ZNF426: variants seen among roughly 807,000 people sequenced by gnomAD.
The protein encoded by ZNF426 is zinc finger protein 426, also known as CTC-543D15.7.
ZNF426 carries 23 observed loss-of-function variants against 24.0 expected under a neutral mutation model. The ratio of observed to expected loss-of-function variants is 0.96; its 90% CI spans 0.69 to 1.36. The LOEUF is 1.36. ZNF426 is among the 40% of genes most tolerant of loss of function. The probability of loss-of-function intolerance (pLI) is 0.00; values close to 1 mark genes in which losing one functional copy is unlikely to be tolerated. For missense variants in ZNF426, 646 were observed against 658.4 expected, an observed-to-expected ratio of 0.98 and a Z score of 0.21; for synonymous variants, 272 against 224.6, an observed-to-expected ratio of 1.21 and a Z score of -1.89.
intron 6 of ZNF426, among the ~76,000 whole-genome samples, chr19:9,532,443 C>T (rs114560855): frequency 0.013 from 1,947 of 151,640 alleles, 45 homozygotes; most frequent in African/African-American, 0.044. Context: ...ACAGCAGGTG[C>T]GTCCCACCAC....
intron 6 of ZNF426, among the ~76,000 whole-genome samples, chr19:9,532,244 T>A (rs530044838): frequency 6.6e-6 from 1 of 151,858 alleles, no homozygotes; most frequent in East Asian, 1.9e-4. Context: ...TTAAAACTTA[T>A]GTTTTGTTTA....
rs567326897 is a variant in ZNF426, at chr19:9,528,917, G to C, written c.1128C>G (p.Ser376=). Residue 376 remains serine, a synonymous_variant, in exon 8 of 8, where the codon TCC becomes TCG. Transcript: ENST00000253115. ...TTCTTATATGTTGAATAAGGCGTGA[G>C]GATGTAAGGAAGGATTTCCCACATT... ...CKECGKSFLT[S]SRLIQHIRTH... The C allele has an allele frequency of 1.8e-4, 298 of 1,613,964 alleles. No homozygotes were observed. Among genetic ancestry groups the C allele is most frequent in the Admixed American group, 5.3e-4 (32 of 59,986 alleles).
rs774259388 is a variant in ZNF426, at chr19:9,535,212, AG to A, written c.92del (p.Ala31ValfsTer4). 7 of 1,613,496 alleles carry A rather than the reference AG, an allele frequency of 4.3e-6. No individual in the cohort carries two copies. The highest frequency in any genetic ancestry group is 5.9e-6 in the Non-Finnish European group (7 of 1,179,702). The part of the protein sequence containing the change: ...EEKTPAGRIV[A>X]DCLTDCYQDS... Reference sequence around the variant, plus strand: ...CCTGATAACAATCTGTTAGGCAGTCAGCCACTATTCTTCCTGCTGGTGTCTT... The same window carrying A: ...CCTGATAACAATCTGTTAGGCAGTCACCACTATTCTTCCTGCTGGTGTCTT... On this transcript the variant is annotated frameshift_variant, in exon 4 of 8. Coordinates refer to ENST00000253115, the MANE Select transcript of ZNF426 (RefSeq NM_024106.3). LOFTEE classifies it high-confidence loss of function.
rs377541115 is a variant in ZNF426 at position 9,536,226 on chromosome 19, C to T, written c.7G>A (p.Ala3Thr). The T allele has an allele frequency of 3.0e-5, 48 of 1,614,092 alleles. No individual in the cohort carries two copies. Among genetic ancestry groups the T allele is most frequent in the Non-Finnish European group, 3.9e-5 (46 of 1,180,044 alleles). Residue 3 changes from alanine (A) to threonine (T), a missense_variant, in exon 3 of 8, where the codon GCT becomes ACT. Transcript: ENST00000253115. ...AGCTTACCATGGGACAAATCAGCAGCTGCCATCCCGCGAGGTGAGAACGTG... is the reference window on the plus strand; with the variant it reads ...AGCTTACCATGGGACAAATCAGCAGTTGCCATCCCGCGAGGTGAGAACGTG... MAAADLSHGHYLS... is the reference protein window; with the variant it reads MATADLSHGHYLS...
intron 6 of ZNF426, 43 bp from the exon 7 acceptor site, chr19:9,531,110 C>G (rs2073877281): frequency 6.7e-6 from 10 of 1,496,200 alleles, no homozygotes; most frequent in Non-Finnish European, 8.4e-6. Context: ...TCAAGCTAGG[C>G]ACAGTGGCTC....
intron 6 of ZNF426, 48 bp from the exon 7 acceptor site, chr19:9,531,115 T>C (rs2073877389): frequency 6.8e-7 from 1 of 1,472,912 alleles, no homozygotes; most frequent in African/African-American, 1.4e-5. Context: ...CTAGGCACAG[T>C]GGCTCATGCC....
chr19:9,532,992 A>AG, intron 5 of ZNF426, 67 bp from the exon 6 acceptor site: 1 of 1,295,980 alleles, frequency 7.7e-7, no homozygotes, highest in Non-Finnish European at 1.1e-6. Flanking sequence ...TCTGTGATTC[A>AG]GGAACTACAG....
At chr19:9,536,441 C>T (rs986925394) in intron 2 of ZNF426, 85 bp from the exon 3 acceptor site, 29 of 1,350,218 alleles carry the variant, frequency 2.1e-5, no homozygotes, top group Non-Finnish European at 2.7e-5. Flanking sequence ...TAGCTCATGC[C>T]TGTAATCCCA....
At position 9,532,833 on chromosome 19, in the gene ZNF426, A is replaced by G. The variant is rs1479187720; in HGVS notation, c.325+12T>C. 6.2e-6 allele frequency: 10 copies of G among 1,606,494 alleles called. No individual in the cohort carries two copies. Among genetic ancestry groups the G allele is most frequent in the Non-Finnish European group, 8.5e-6 (10 of 1,174,426 alleles). On this transcript the variant is annotated intron_variant, in intron 6 of 7. Coordinates refer to ENST00000253115, the MANE Select transcript of ZNF426 (RefSeq NM_024106.3). ...TTCTCATCAACCAGAGTTGTTCTTC[A>G]TGAACACTCACCTTGGAGAACTCCT...
In ZNF426 at chr19:9,525,296, A is replaced by G. The variant is rs1318531454; in HGVS notation, c.*3084T>C. Reference sequence around the variant, plus strand: ...AAAATAAAAATAAAAATAAAAAGGAAGGATTATATAAATCCTTTTCAACAT... The same window carrying G: ...AAAATAAAAATAAAAATAAAAAGGAGGGATTATATAAATCCTTTTCAACAT... On this transcript the variant is annotated 3_prime_UTR_variant, in exon 8 of 8. Transcript: ENST00000253115. 6.6e-6 allele frequency: 1 copy of G among 152,188 alleles called. No individual in the cohort carries two copies. Among genetic ancestry groups the G allele is most frequent in the Non-Finnish European group, 1.5e-5 (1 of 68,050 alleles). The allele number at this position is 152,188 out of a possible 1,614,324, so 9.4% of individuals were successfully genotyped here.
Position 9,529,381 on chromosome 19 carries a change from T to C in ZNF426, c.664A>G (p.Lys222Glu). 6.2e-7 allele frequency: 1 copy of C among 1,614,170 alleles called. No individual in the cohort carries two copies. The change falls in exon 8 of 8, where the codon AAG becomes GAG. Residue 222 changes from lysine (K) to glutamate (E), a missense_variant. Transcript: ENST00000253115. ...CCACAGTGACTACATTCAAATGACTTTTCTTGTGTGCTAGTTCTCTGGTAT... is the reference window on the plus strand; with the variant it reads ...CCACAGTGACTACATTCAAATGACTCTTCTTGTGTGCTAGTTCTCTGGTAT... ...IVYQRTSTQE[K>E]SFECSHCGKS...
Position 9,529,502 on chromosome 19 carries a change from T to A in ZNF426, c.543A>T (p.Lys181Asn), listed in dbSNP as rs779658333. Residue 181 changes from lysine (K) to asparagine (N), a missense_variant, in exon 8 of 8, where the codon AAA (lysine) becomes AAT (asparagine). Coordinates refer to ENST00000253115, the MANE Select transcript of ZNF426 (RefSeq NM_024106.3). Reference sequence around the variant, plus strand: ...TTTTCTCACACAGGGTAAGGAAATCTTTTCCATACTGATTACAGTCATGAG... The same window carrying A: ...TTTTCTCACACAGGGTAAGGAAATCATTTCCATACTGATTACAGTCATGAG... ...GNTHDCNQYG[K>N]DFLTLCEKTS... 3.7e-6 allele frequency: 6 copies of A among 1,613,534 alleles called. No homozygotes were observed. The highest frequency in any genetic ancestry group is 5.1e-6 in the Non-Finnish European group (6 of 1,180,038).
At chr19:9,531,418 G>A (rs1440856543) in intron 6 of ZNF426, among the ~76,000 whole-genome samples, 31 of 152,132 alleles carry the variant, frequency 2.0e-4, no homozygotes, top group Admixed American at 2.0e-3. Flanking sequence ...AGAAAGAAAT[G>A]CAAAGAGTTC....
In ZNF426 at chr19:9,526,757, A is replaced by G. The variant is rs753561572; in HGVS notation, c.*1623T>C. 9.9e-5 allele frequency: 15 copies of G among 152,168 alleles called. No homozygotes were observed. Among genetic ancestry groups the G allele is most frequent in the Non-Finnish European group, 1.9e-4 (13 of 68,032 alleles). The allele number at this position is 152,168 out of a possible 1,614,324, so 9.4% of individuals were successfully genotyped here. Reference sequence around the variant, plus strand: ...TAAGCAAACACCAAGAAGGACGAGCACCAAAAACCTATACCTAGGCATATC... The same window carrying G: ...TAAGCAAACACCAAGAAGGACGAGCGCCAAAAACCTATACCTAGGCATATC... On this transcript the variant is annotated 3_prime_UTR_variant, in exon 8 of 8. Coordinates refer to ENST00000253115, the MANE Select transcript of ZNF426 (RefSeq NM_024106.3).
chr19:9,534,098 G>T, intron 4 of ZNF426, 132 bp from the exon 5 acceptor site: 1 of 1,299,944 alleles, frequency 7.7e-7, no homozygotes, highest in Non-Finnish European at 1.0e-6. Context: ...GGTTTTAAGG[G>T]TCCTAGAAAC....
intron 7 of ZNF426, 51 bp from the exon 8 acceptor site, chr19:9,529,687 G>A: frequency 1.3e-6 from 2 of 1,497,794 alleles, no homozygotes; most frequent in Non-Finnish European, 8.9e-7. Flanking sequence ...CATATTAACA[G>A]AACATACCCA....
intron 4 of ZNF426, among the ~76,000 whole-genome samples, chr19:9,534,678 T>A (rs2073938431): frequency 6.6e-6 from 1 of 152,032 alleles, no homozygotes; most frequent in African/African-American, 2.4e-5. Context: ...CACTGCAGCC[T>A]CAACCTCCAG....
At position 9,533,825 on chromosome 19, in the gene ZNF426, T is replaced by A; in HGVS notation, c.244+15A>T. On this transcript the variant is annotated intron_variant, in intron 5 of 7. Coordinates refer to ENST00000253115, the MANE Select transcript of ZNF426 (RefSeq NM_024106.3). ...CAGTTCCATAGAAGGCTGCAAGGGA[T>A]GAGGCCAGTCTTACCTACTGTGGCC... 6.2e-7 allele frequency: 1 copy of A among 1,613,898 alleles called. No individual in the cohort carries two copies. The highest frequency in any genetic ancestry group is 1.1e-5 in the South Asian group (1 of 91,076).
Position 9,533,038 on chromosome 19 carries a change from G to A in ZNF426, c.245-113C>T, listed in dbSNP as rs544503954. 7.5e-5 allele frequency: 66 copies of A among 882,194 alleles called. No homozygotes were observed. The South Asian group carries it at 9.6e-4, about 13-fold the overall frequency. 54.6% of individuals were successfully genotyped at this position (882,194 alleles called of 1,614,324 possible). On this transcript the variant is annotated intron_variant, in intron 5 of 7. Transcript: ENST00000253115. ...AGTGGTGAAGCTATTTCAAAAGGGC[G>A]AAAAATGCAAATAACAACTCTGACT...
Sources: allele counts gnomAD v4.1 joint callset (sites outside exome capture counted in the v4.1 genomes callset), GRCh38; gene constraint gnomAD v4.1.1; transcripts MANE v1.5; gene names NCBI Gene and HGNC (gene_info 2026-07-23, HGNC 2026-07-21).